The following EFHD1 variants were observed in gnomAD, a reference collection of about 807,000 sequenced individuals.
EFHD1 encodes the protein EF-hand domain family member D1.
EFHD1 carries 10 observed loss-of-function variants against 17.2 expected under a neutral mutation model. The ratio of observed to expected loss-of-function variants is 0.58; its 90% CI spans 0.36 to 0.99. The LOEUF (loss-of-function observed/expected upper bound fraction) is 0.99. Ranked by LOEUF, EFHD1 falls within the 50% of genes least tolerant of loss-of-function variation. EFHD1 has a pLI of 0.01. For synonymous variants in EFHD1, 153 were observed against 142.0 expected (o/e 1.08, Z -0.55); for missense variants, 310 against 327.5 (o/e 0.95, Z 0.41).
intron 3 of EFHD1, among the ~76,000 whole-genome samples, chr2:232,674,033 T>C (rs77998714): frequency 0.046 from 6,964 of 151,710 alleles, 545 homozygotes; most frequent in African/African-American, 0.16. Context: ...CTTAGCATCC[T>C]GAGTAGCTGG....
chr2:232,661,684 C>G (rs777676400), intron 1 of EFHD1: 12 of 151,234 alleles, frequency 7.9e-5, no homozygotes, highest in Non-Finnish European at 1.5e-4. Flanking sequence ...CTCAGCCTCT[C>G]GAGTAGCTGG....
At chr2:232,621,935 A>ATTTTGAG (rs1694025328) in intron 1 of EFHD1, among the ~76,000 whole-genome samples, 2 of 152,188 alleles carry the variant, frequency 1.3e-5, no homozygotes, top group Admixed American at 1.3e-4. Context: ...AGGATAGTTT[A>ATTTTGAG]TTATTACCAG....
chr2:232,634,434 C>A (rs186789771), intron 1 of EFHD1, among the ~76,000 whole-genome samples: 3 of 152,242 alleles, frequency 2.0e-5, no homozygotes, highest in African/African-American at 7.2e-5. Context: ...TCTTTTAAAA[C>A]AAAAGGGGAA....
At position 232,644,012 on chromosome 2, in the gene EFHD1, T is replaced by C. The variant is rs149635172; in HGVS notation, c.302+10006T>C. ...GATTCCCTGTGATTTTTCTCTTGCCTGTGGGGGTGGACCCACAGCTAGGAG... is the reference window on the plus strand; with the variant it reads ...GATTCCCTGTGATTTTTCTCTTGCCCGTGGGGGTGGACCCACAGCTAGGAG... On this transcript the variant is annotated intron_variant, in intron 1 of 3. Coordinates refer to ENST00000264059, the MANE Select transcript of EFHD1 (RefSeq NM_025202.4). Among the ~76,000 whole-genome samples, 82 of 152,288 alleles carry C rather than the reference T, an allele frequency of 5.4e-4. No individual in the cohort carries two copies. In the East Asian group the frequency reaches 0.015, roughly 29 times the overall value.
intron 2 of EFHD1, among the ~76,000 whole-genome samples, chr2:232,667,310 T>C (rs1383909697): frequency 1.3e-5 from 2 of 152,088 alleles, no homozygotes; most frequent in African/African-American, 2.4e-5. Context: ...CTCGGGATTT[T>C]GAAATTGGGG....
chr2:232,668,094 T>C (rs1694999461), intron 2 of EFHD1, among the ~76,000 whole-genome samples: 1 of 152,104 alleles, frequency 6.6e-6, no homozygotes, highest in South Asian at 2.1e-4. Flanking sequence ...TCTCCTTCCC[T>C]CCCCCTCTTT....
chr2:232,650,451 C>T (rs1166040737), intron 1 of EFHD1, among the ~76,000 whole-genome samples: 1 of 150,380 alleles, frequency 6.6e-6, no homozygotes, highest in African/African-American at 2.5e-5. Context: ...TGCGCCACCA[C>T]ACACGGCTAA....
intron 1 of EFHD1, chr2:232,638,180 G>GTA: frequency 3.7e-5 from 13 of 354,740 alleles, no homozygotes; most frequent in East Asian, 1.5e-4. Flanking sequence ...GTGAGCTGGT[G>GTA]GAGCAGTCAA....
intron 1 of EFHD1, among the ~76,000 whole-genome samples, chr2:232,610,355 G>A (rs1693790794): frequency 6.6e-6 from 1 of 152,184 alleles, no homozygotes; most frequent in African/African-American, 2.4e-5. Flanking sequence ...TGAGGAGAGA[G>A]GGCCTGGTCA....
At chr2:232,660,150 AT>A (rs1373795068) in intron 1 of EFHD1, among the ~76,000 whole-genome samples, 1 of 151,712 alleles carries the variant, frequency 6.6e-6, no homozygotes, top group East Asian at 1.9e-4. Flanking sequence ...ACTTATTTTA[AT>A]TTTTAAATTT....
upstream of EFHD1, among the ~76,000 whole-genome samples, chr2:232,631,581 G>A (rs549356311): frequency 6.6e-6 from 1 of 151,428 alleles, no homozygotes; most frequent in East Asian, 1.9e-4. Flanking sequence ...AAAGTGCTGG[G>A]ATTACAGGTG....
chr2:232,657,330 G>A lies in EFHD1; in HGVS notation c.303-5472G>A, dbSNP rs574197933. Among the ~76,000 whole-genome samples, 19 of 152,124 alleles carry A rather than the reference G, an allele frequency of 1.2e-4. 1 individual carries two copies. The South Asian group carries it at 3.9e-3, about 32-fold the overall frequency. ...ATTCATACAATGAGGTGCCCTTTTT[G>A]CGACTGGCTTATTTCACTTGGCACA... is the stretch of plus-strand genomic sequence containing the variant. On this transcript the variant is annotated intron_variant, in intron 1 of 3. Coordinates refer to ENST00000264059, the MANE Select transcript of EFHD1 (RefSeq NM_025202.4).
intron 3 of EFHD1, among the ~76,000 whole-genome samples, chr2:232,679,195 A>G (rs1695230681): frequency 6.6e-6 from 1 of 152,110 alleles, no homozygotes; most frequent in South Asian, 2.1e-4. Context: ...GGTTTAGAAG[A>G]CCTCCTTAAA....
intron 1 of EFHD1, among the ~76,000 whole-genome samples, chr2:232,660,823 C>G (rs1173107085): frequency 6.6e-6 from 1 of 151,952 alleles, no homozygotes; most frequent in African/African-American, 2.4e-5. Context: ...ACTAAAAATA[C>G]AAAAATTAGC....
At chr2:232,612,964 C>T (rs1017783039) in intron 1 of EFHD1, among the ~76,000 whole-genome samples, 15 of 151,902 alleles carry the variant, frequency 9.9e-5, no homozygotes, top group African/African-American at 2.7e-4. Context: ...AACTCGTGAC[C>T]TCAGGTGATC....
intron 1 of EFHD1, among the ~76,000 whole-genome samples, chr2:232,653,451 C>G (rs778161309): frequency 6.6e-6 from 1 of 152,114 alleles, no homozygotes; most frequent in Non-Finnish European, 1.5e-5. Context: ...CCACCAGGTC[C>G]AGCTAATTTT....
At position 232,667,537 on chromosome 2, in the gene EFHD1, A is replaced by AT. The variant is rs1227467759; in HGVS notation, c.450+4590dup. Among the ~76,000 whole-genome samples the AT allele has an allele frequency of 1.8e-3, 279 of 151,138 alleles. 3 individuals are homozygous for AT. The Middle Eastern group carries it at 0.02, about 11-fold the overall frequency. On this transcript the variant is annotated intron_variant, in intron 2 of 3. Coordinates refer to ENST00000264059, the MANE Select transcript of EFHD1 (RefSeq NM_025202.4). ...CATCTTATTTTATTTTAATTAATTAATTAATTTATTTATTTATTTATTTAT... is the reference window on the plus strand; with the variant it reads ...CATCTTATTTTATTTTAATTAATTAATTTAATTTATTTATTTATTTATTTAT...
intron 1 of EFHD1, among the ~76,000 whole-genome samples, chr2:232,626,918 G>A (rs1694110890): frequency 6.6e-6 from 1 of 151,560 alleles, no homozygotes. Context: ...GAGCATGATG[G>A]CTCTTGCCTG....
intron 1 of EFHD1, among the ~76,000 whole-genome samples, chr2:232,635,892 G>A (rs995929256): frequency 6.6e-6 from 1 of 151,900 alleles, no homozygotes; most frequent in East Asian, 1.9e-4. Flanking sequence ...AGTTCAACCA[G>A]TACTTGGTAT....
Sources: gnomAD v4.1 joint callset for allele counts (sites outside exome capture counted in the v4.1 genomes callset) on GRCh38, gnomAD v4.1.1 for gene constraint, MANE v1.5 for transcripts, NCBI Gene and HGNC (gene_info 2026-07-23, HGNC 2026-07-21) for gene names.